Variants in FTO observed in about 807,000 individuals in gnomAD.
FTO encodes FTO alpha-ketoglutarate dependent dioxygenase, also known as alpha-ketoglutarate-dependent dioxygenase FTO.
A neutral mutation model predicts 63.9 loss-of-function variants in FTO; 47 were observed. That is an observed-to-expected ratio of 0.74 (90% confidence interval 0.58 to 0.94). FTO has a LOEUF of 0.94. FTO is among the 40% of genes least tolerant of loss of function. The pLI is 0.00. For synonymous variants in FTO, 207 were observed against 224.4 expected (o/e 0.92, Z 0.69); for missense variants, 562 against 618.1 (o/e 0.91, Z 0.96).
chr16:53,980,086 A>G (rs978393228), intron 8 of FTO, among the ~76,000 whole-genome samples: 3 of 152,204 alleles, frequency 2.0e-5, no homozygotes, highest in African/African-American at 7.2e-5. Context: ...GGCCTTCGTG[A>G]ATCAAAATAA....
At chr16:53,721,518 C>T (rs1015129180) in intron 1 of FTO, among the ~76,000 whole-genome samples, 1 of 151,960 alleles carries the variant, frequency 6.6e-6, no homozygotes, top group African/African-American at 2.4e-5. Context: ...CATTGTTTCT[C>T]TTGCACTGAG....
At chr16:53,732,385 C>T (rs1251397462) in intron 1 of FTO, among the ~76,000 whole-genome samples, 1 of 152,122 alleles carries the variant, frequency 6.6e-6, no homozygotes, top group Non-Finnish European at 1.5e-5. Flanking sequence ...ATGTTGCTAA[C>T]CCGAATGAGA....
At chr16:53,784,647 A>G (rs1032081417) in intron 1 of FTO, among the ~76,000 whole-genome samples, 2 of 152,196 alleles carry the variant, frequency 1.3e-5, no homozygotes, top group Non-Finnish European at 2.9e-5. Flanking sequence ...TTTACTTACT[A>G]TAATTGCTGA....
chr16:54,097,734 G>A (rs2086548625), intron 8 of FTO, among the ~76,000 whole-genome samples: 1 of 152,152 alleles, frequency 6.6e-6, no homozygotes, highest in Non-Finnish European at 1.5e-5. Flanking sequence ...ATGTGCGTGT[G>A]CACACACAGA....
At chr16:54,110,450 A>G (rs752402269) in intron 8 of FTO, among the ~76,000 whole-genome samples, 1 of 152,200 alleles carries the variant, frequency 6.6e-6, no homozygotes, top group Non-Finnish European at 1.5e-5. Flanking sequence ...AGAGCTGAAG[A>G]TATATTAGAA....
intron 2 of FTO, among the ~76,000 whole-genome samples, chr16:53,816,501 C>A (rs1479704053): frequency 2.4e-4 from 2 of 8,238 alleles, no homozygotes; most frequent in Non-Finnish European, 5.3e-4. Flanking sequence ...CACTCCCCAC[C>A]CCCCCTCACA....
intron 7 of FTO, among the ~76,000 whole-genome samples, chr16:53,903,391 T>A (rs779135707): frequency 2.6e-5 from 4 of 152,042 alleles, no homozygotes; most frequent in Non-Finnish European, 5.9e-5. Flanking sequence ...CCCGAGTCGC[T>A]GGGATTCCAG....
intron 5 of FTO, among the ~76,000 whole-genome samples, chr16:53,876,288 G>A (rs2080649560): frequency 6.6e-6 from 1 of 152,078 alleles, no homozygotes; most frequent in Admixed American, 6.5e-5. Context: ...ATAAATGGTA[G>A]CCTACTATAT....
In FTO at chr16:53,882,329, A is replaced by G. The variant is rs2080859740; in HGVS notation, c.1119+2342A>G. Among the ~76,000 whole-genome samples, 2 of 152,010 alleles carry G rather than the reference A, an allele frequency of 1.3e-5. 1 individual carries two copies. The highest frequency in any genetic ancestry group is 4.2e-4 in the South Asian group (2 of 4,816). ...TGATGGTAAGTAATACACTTAACAC[A>G]CTGGTAAATTATACAGTATGTTAGA... On this transcript the variant is annotated intron_variant, in intron 6 of 8. Transcript: ENST00000471389.
chr16:54,092,766 C>T (rs570563534), intron 8 of FTO, among the ~76,000 whole-genome samples: 1 of 152,308 alleles, frequency 6.6e-6, no homozygotes, highest in African/African-American at 2.4e-5. Flanking sequence ...AGTTAAATTG[C>T]TTCTAGTCTT....
chr16:53,858,828 T>G (rs1187813318), intron 4 of FTO, among the ~76,000 whole-genome samples: 1 of 151,842 alleles, frequency 6.6e-6, no homozygotes, highest in Non-Finnish European at 1.5e-5. Flanking sequence ...GCCCAGCTGA[T>G]TTTTGTATTT....
intron 8 of FTO, among the ~76,000 whole-genome samples, chr16:54,024,376 AC>A (rs2084667056): frequency 6.6e-6 from 1 of 151,598 alleles, no homozygotes. Context: ...GGTGCACACC[AC>A]CACGCCCAGC....
Position 54,117,804 on chromosome 16 carries a change from T to C in FTO, c.*5889T>C, listed in dbSNP as rs1465941826. 6.6e-6 allele frequency: 1 copy of C among 152,252 alleles called. No individual in the cohort carries two copies. The highest frequency in any genetic ancestry group is 1.5e-5 in the Non-Finnish European group (1 of 68,048). The allele number at this position is 152,252 out of a possible 1,614,324, so 9.4% of individuals were successfully genotyped here. ...CCATCACCTTCTAATGGATGATCTG[T>C]GTACAACAATTGTTTATTGACTCTG... On this transcript the variant is annotated 3_prime_UTR_variant, in exon 9 of 9. Coordinates refer to ENST00000471389, the MANE Select transcript of FTO (RefSeq NM_001080432.3).
At chr16:54,098,026 C>T (rs1053628572) in intron 8 of FTO, among the ~76,000 whole-genome samples, 2 of 152,060 alleles carry the variant, frequency 1.3e-5, no homozygotes, top group African/African-American at 4.8e-5. Flanking sequence ...GCAAATAAGC[C>T]GGTCTGACTG....
At chr16:53,743,566 G>A (rs949842460) in intron 1 of FTO, among the ~76,000 whole-genome samples, 1 of 147,572 alleles carries the variant, frequency 6.8e-6, no homozygotes, top group Non-Finnish European at 1.5e-5. Context: ...AAGAACTTTT[G>A]TCCTCATCTA....
chr16:53,910,352 T>C (rs915865734), intron 7 of FTO, among the ~76,000 whole-genome samples: 2 of 152,042 alleles, frequency 1.3e-5, no homozygotes, highest in Non-Finnish European at 2.9e-5. Context: ...CAAAGATTTT[T>C]GAGTAGGAAA....
At chr16:53,727,047 C>A (rs2076171595) in intron 1 of FTO, among the ~76,000 whole-genome samples, 2 of 152,070 alleles carry the variant, frequency 1.3e-5, no homozygotes, top group Non-Finnish European at 2.9e-5. Flanking sequence ...AAAGAAGTTT[C>A]CCCTCTTCTT....
At chr16:53,757,574 A>G (rs1047906673) in intron 1 of FTO, among the ~76,000 whole-genome samples, 5 of 151,702 alleles carry the variant, frequency 3.3e-5, no homozygotes, top group African/African-American at 1.2e-4. Flanking sequence ...CTATATTTAT[A>G]TATATAATAT....
intron 8 of FTO, among the ~76,000 whole-genome samples, chr16:54,024,359 G>A (rs377317486): frequency 1.9e-4 from 29 of 152,156 alleles, no homozygotes; most frequent in Non-Finnish European, 3.5e-4. Flanking sequence ...AAGTAGCTGG[G>A]ATTACAGGTG....
Sources: allele counts gnomAD v4.1 joint callset (sites outside exome capture counted in the v4.1 genomes callset), GRCh38; gene constraint gnomAD v4.1.1; transcripts MANE v1.5; gene names NCBI Gene and HGNC (gene_info 2026-07-23, HGNC 2026-07-21).